Variants in SLC9A3 observed in about 807,000 individuals in gnomAD.
SLC9A3 encodes solute carrier family 9 member A3.
A neutral mutation model predicts 86.8 loss-of-function variants in SLC9A3; 37 were observed. The observed-to-expected ratio is 0.43, with a 90% CI of 0.33 to 0.56. The LOEUF is 0.56. Ranked by LOEUF, SLC9A3 falls within the 20% of genes least tolerant of loss-of-function variation. The pLI, the probability that SLC9A3 is intolerant of heterozygous loss-of-function variation, is 0.06. For missense variants in SLC9A3, 1,011 were observed against 1,171.9 expected, an observed-to-expected ratio of 0.86 and a Z score of 2.00; for synonymous variants, 581 against 528.3, an observed-to-expected ratio of 1.10 and a Z score of -1.37.
Position 472,719 on chromosome 5 carries a change from C to T in SLC9A3, c.*660G>A, listed in dbSNP as rs1403527989. 7.1e-6 allele frequency: 4 copies of T among 562,556 alleles called. No individual in the cohort carries two copies. Among genetic ancestry groups the T allele is most frequent in the East Asian group, 4.1e-5 (1 of 24,582 alleles). The allele number at this position is 562,556 out of a possible 1,614,324, so 34.8% of individuals were successfully genotyped here. On this transcript the variant is annotated 3_prime_UTR_variant, in exon 17 of 17. Transcript: ENST00000264938. ...CTGGCGAGGGCCTGGAAACGGCGCT[C>T]GGCCCAGGCCGCTTGCGGGCGCTGG...
rs1394653487 is a variant in SLC9A3 at position 472,755 on chromosome 5, G to A, written c.*624C>T. 1 of 582,516 alleles carries A rather than the reference G, an allele frequency of 1.7e-6. No homozygotes were observed. The highest frequency in any genetic ancestry group is 3.2e-6 in the Non-Finnish European group (1 of 308,322). 36.1% of individuals were successfully genotyped at this position (582,516 alleles called of 1,614,324 possible). ...GCTTGCGGGCGCTGGGCCTGCAGCC[G>A]CTGCAGGTCGGGCCCTGAGTCCTGG... On this transcript the variant is annotated 3_prime_UTR_variant, in exon 17 of 17. Coordinates refer to ENST00000264938, the MANE Select transcript of SLC9A3 (RefSeq NM_004174.4).
At chr5:514,600 G>C (rs1733670493) in intron 1 of SLC9A3, among the ~76,000 whole-genome samples, 1 of 152,360 alleles carries the variant, frequency 6.6e-6, no homozygotes, top group East Asian at 1.9e-4. Flanking sequence ...GGTTCTAAGG[G>C]GAATCTGCCT....
At chr5:522,528 G>A (rs1433655293) in intron 1 of SLC9A3, among the ~76,000 whole-genome samples, 1 of 152,214 alleles carries the variant, frequency 6.6e-6, no homozygotes, top group Non-Finnish European at 1.5e-5. Context: ...GGGAGGCCGA[G>A]GCGGGTGGAT....
rs556171759 is a variant in SLC9A3 at position 497,726 on chromosome 5, G to C, written c.212-5655C>G. ...ATCTGCCCCTGTCCTGGGTGGGGTC[G>C]CCCGGCCGCATCCCCAGCCTCTGCC... is the stretch of plus-strand genomic sequence containing the variant. On this transcript the variant is annotated intron_variant, in intron 1 of 16. Transcript: ENST00000264938. This position sits in a 1 kb window ranked among gnomAD's most constrained non-coding sequence, Gnocchi z 5.4. Among the ~76,000 whole-genome samples the C allele has an allele frequency of 9.2e-6, 1 of 109,034 alleles. No homozygotes were observed. The highest frequency in any genetic ancestry group is 3.7e-5 in the African/African-American group (1 of 27,132). The allele number at this position is 109,034 out of a possible 152,430, so 71.5% of individuals were successfully genotyped here.
At chr5:508,716 C>T (rs1261802482) in intron 1 of SLC9A3, among the ~76,000 whole-genome samples, 1 of 152,198 alleles carries the variant, frequency 6.6e-6, no homozygotes, top group African/African-American at 2.4e-5. Flanking sequence ...ATCGCCCCCA[C>T]GCCGTAAAGG....
rs1201150432 is a variant in SLC9A3, at chr5:477,340, G to A, written c.1752C>T (p.Ser584=). The A allele has an allele frequency of 6.2e-7, 1 of 1,604,708 alleles. No individual in the cohort carries two copies. The highest frequency in any genetic ancestry group is 1.3e-5 in the African/African-American group (1 of 74,748). Residue 584 remains serine (S), a synonymous_variant, in exon 11 of 17, where the codon TCC becomes TCT. Coordinates refer to ENST00000264938, the MANE Select transcript of SLC9A3 (RefSeq NM_004174.4). ...TGACCATGGCCACATACAGGAGGTA[G>A]GAGACAGAGGCCTCCACGGTGGACG... ...PRSSTVEASV[S]YLLRENVSAV...
intron 1 of SLC9A3, among the ~76,000 whole-genome samples, chr5:504,426 C>A (rs1396054441): frequency 1.3e-5 from 2 of 152,220 alleles, no homozygotes; most frequent in African/African-American, 4.8e-5. Flanking sequence ...ACTGGCTGAA[C>A]CTTGAGCCGC....
intron 1 of SLC9A3, among the ~76,000 whole-genome samples, chr5:522,414 T>G (rs1277085561): frequency 6.6e-6 from 1 of 152,298 alleles, no homozygotes; most frequent in African/African-American, 2.4e-5. Flanking sequence ...GATGCCAGAT[T>G]CTGACTCTGT....
chr5:501,275 G>C (rs1174510024), intron 1 of SLC9A3, among the ~76,000 whole-genome samples: 1 of 152,180 alleles, frequency 6.6e-6, no homozygotes, highest in Admixed American at 6.5e-5. Context: ...GACGGGGCTT[G>C]GTCAGGCCCA....
At chr5:519,731 C>A (rs1733830657) in intron 1 of SLC9A3, among the ~76,000 whole-genome samples, 1 of 152,096 alleles carries the variant, frequency 6.6e-6, no homozygotes, top group Admixed American at 6.5e-5. Flanking sequence ...TGGGTCTTGA[C>A]CCTGTCCAGT....
At chr5:499,377 C>G in intron 1 of SLC9A3, among the ~76,000 whole-genome samples, 1 of 152,256 alleles carries the variant, frequency 6.6e-6, no homozygotes, top group East Asian at 1.9e-4. Context: ...AGGGCCTGAC[C>G]CGGGCAGTGC....
At chr5:513,910 C>G (rs566409954) in intron 1 of SLC9A3, among the ~76,000 whole-genome samples, 56 of 152,370 alleles carry the variant, frequency 3.7e-4, no homozygotes, top group African/African-American at 1.3e-3. Flanking sequence ...GCTCCTCTCC[C>G]TCTGAAGGCA....
intron 1 of SLC9A3, among the ~76,000 whole-genome samples, chr5:499,410 G>T (rs749133072): frequency 6.6e-6 from 1 of 152,248 alleles, no homozygotes; most frequent in African/African-American, 2.4e-5. Flanking sequence ...CACAGCCGGG[G>T]CCACCCCGCT....
chr5:484,463 T>TGTGGAGAAGCTCGGGAGGAGGGC lies in SLC9A3; in HGVS notation c.932+34_932+56dup, dbSNP rs1197194453. 2.7e-4 allele frequency: 403 copies of TGTGGAGAAGCTCGGGAGGAGGGC among 1,504,704 alleles called. 1 individual carries two copies. The African/African-American group carries it at 4.9e-3, about 18-fold the overall frequency. 93.2% of individuals were successfully genotyped at this position (1,504,704 alleles called of 1,614,324 possible). On this transcript the variant is annotated intron_variant, in intron 5 of 16. Transcript: ENST00000264938. ...GCTCGCCCTGCCGGACCCAGGAGGG[T>TGTGGAGAAGCTCGGGAGGAGGGC]GTGGAGAAGCTCGGGAGGAGGGCGT...
intron 1 of SLC9A3, among the ~76,000 whole-genome samples, chr5:494,126 C>G (rs1030823320): frequency 6.6e-6 from 1 of 152,256 alleles, no homozygotes; most frequent in African/African-American, 2.4e-5. Context: ...CTCCCCACAG[C>G]TCTCCCTTCT....
rs570388705 is a variant in SLC9A3, at chr5:472,536, T to TG, written c.*842dup. On this transcript the variant is annotated 3_prime_UTR_variant, in exon 17 of 17. Transcript: ENST00000264938. ...CAGCTCAGGCCGGAGACCTCGTCTGTGGGGACGGGCCGTGTCCGGGGCCGC... is the reference window on the plus strand; with the variant it reads ...CAGCTCAGGCCGGAGACCTCGTCTGTGGGGGACGGGCCGTGTCCGGGGCCGC... 2.6e-3 allele frequency: 898 copies of TG among 342,862 alleles called. 10 individuals are homozygous for TG. The highest frequency in any genetic ancestry group is 0.019 in the African/African-American group (854 of 44,372). The allele number at this position is 342,862 out of a possible 1,614,324, so 21.2% of individuals were successfully genotyped here.
chr5:509,107 C>CA (rs113438141), intron 1 of SLC9A3, among the ~76,000 whole-genome samples: 2,223 of 122,986 alleles, frequency 0.018, 29 homozygotes, highest in African/African-American at 0.042. Context: ...GATCCTGTCT[C>CA]AAAAAAAAAA....
intron 1 of SLC9A3, among the ~76,000 whole-genome samples, chr5:504,539 C>G (rs1740456617): frequency 6.6e-6 from 1 of 152,208 alleles, no homozygotes; most frequent in African/African-American, 2.4e-5. Context: ...TCAGACCACA[C>G]AGCAAGCGGC....
At chr5:505,840 G>A (rs1470621359) in intron 1 of SLC9A3, among the ~76,000 whole-genome samples, 1 of 148,644 alleles carries the variant, frequency 6.7e-6, no homozygotes, top group Non-Finnish European at 1.5e-5. Flanking sequence ...GGTGGGGAAA[G>A]TGGCCATGTT....
Sources: gnomAD v4.1 joint callset for allele counts (sites outside exome capture counted in the v4.1 genomes callset) on GRCh38, gnomAD v4.1.1 for gene constraint, Gnocchi (gnomAD v3.1) non-coding constraint, MANE v1.5 for transcripts, NCBI Gene and HGNC (gene_info 2026-07-23, HGNC 2026-07-21) for gene names.